MAPRE2: variants seen among roughly 807,000 people sequenced by gnomAD.
MAPRE2 encodes the protein microtubule associated protein RP/EB family member 2, also known as microtubule-associated protein RP/EB family member 2.
A neutral mutation model predicts 43.2 loss-of-function variants in MAPRE2; 13 were observed. The ratio of observed to expected loss-of-function variants is 0.30; its 90% confidence interval spans 0.20 to 0.48. MAPRE2 has a LOEUF of 0.48. Among genes scored for constraint, MAPRE2 ranks in the 20% least tolerant of loss-of-function variants. MAPRE2 has a pLI of 0.99. For synonymous variants in MAPRE2, 135 were observed against 148.8 expected (o/e 0.91, Z 0.68); for missense variants, 161 against 400.2 (o/e 0.40, Z 5.10).
At chr18:35,059,693 G>A (rs1906422168) in intron 1 of MAPRE2, among the ~76,000 whole-genome samples, 1 of 152,172 alleles carries the variant, frequency 6.6e-6, no homozygotes, top group Non-Finnish European at 1.5e-5. Context: ...CACTTCAGAA[G>A]TGGGCATGGA....
chr18:34,997,798 A>G (rs1009062430), intron 1 of MAPRE2, among the ~76,000 whole-genome samples: 1 of 152,230 alleles, frequency 6.6e-6, no homozygotes, highest in Non-Finnish European at 1.5e-5. Flanking sequence ...GCTGGGCTAC[A>G]AGAGTGAGAC....
intron 1 of MAPRE2, among the ~76,000 whole-genome samples, chr18:35,050,128 A>G (rs1461272983): frequency 6.6e-6 from 1 of 152,212 alleles, no homozygotes; most frequent in Non-Finnish European, 1.5e-5. Context: ...TGGGAAGATT[A>G]ATCACTGTGT....
At chr18:35,106,712 G>A (rs1490766300) in intron 4 of MAPRE2, among the ~76,000 whole-genome samples, 3 of 152,000 alleles carry the variant, frequency 2.0e-5, no homozygotes, top group African/African-American at 7.3e-5. Context: ...TGTGTCGTTG[G>A]GGACTTTACT....
At chr18:35,004,213 T>A (rs2097030698) in intron 1 of MAPRE2, among the ~76,000 whole-genome samples, 1 of 152,136 alleles carries the variant, frequency 6.6e-6, no homozygotes, top group Admixed American at 6.5e-5. Context: ...TTAAAAAAAA[T>A]AATAATTCTA....
chr18:35,039,761 A>G (rs2097052588), upstream of MAPRE2, among the ~76,000 whole-genome samples: 1 of 152,236 alleles, frequency 6.6e-6, no homozygotes. Context: ...GTATCACAAA[A>G]TGATAAAGCT....
chr18:34,992,330 G>A (rs2097024243), intron 1 of MAPRE2, among the ~76,000 whole-genome samples: 1 of 152,180 alleles, frequency 6.6e-6, no homozygotes, highest in African/African-American at 2.4e-5. Flanking sequence ...CAAAGTCTGT[G>A]CAATGATCTT....
At chr18:35,103,878 A>T (rs1784981344) in intron 4 of MAPRE2, among the ~76,000 whole-genome samples, 1 of 152,320 alleles carries the variant, frequency 6.6e-6, no homozygotes, top group African/African-American at 2.4e-5. Context: ...CGTTCAGTAG[A>T]ATGGTAGAGC....
intron 2 of MAPRE2, among the ~76,000 whole-genome samples, chr18:35,009,579 C>T (rs1376044278): frequency 6.6e-6 from 1 of 152,132 alleles, no homozygotes; most frequent in Non-Finnish European, 1.5e-5. Flanking sequence ...CTTCTGGAAG[C>T]TTGAAGTTTC....
intron 1 of MAPRE2, among the ~76,000 whole-genome samples, chr18:34,989,377 A>C (rs143669191): frequency 8.8e-4 from 134 of 152,062 alleles, no homozygotes; most frequent in African/African-American, 3.1e-3. Context: ...AGTTGATTCA[A>C]GCTTGGACTT....
intron 1 of MAPRE2, among the ~76,000 whole-genome samples, chr18:35,001,138 A>G (rs914837740): frequency 6.6e-6 from 1 of 152,208 alleles, no homozygotes; most frequent in Non-Finnish European, 1.5e-5. Context: ...TTTCTATGCA[A>G]ATAAATGTGG....
At chr18:35,013,264 C>A (rs1417489952) in intron 2 of MAPRE2, among the ~76,000 whole-genome samples, 1 of 152,038 alleles carries the variant, frequency 6.6e-6, no homozygotes, top group Admixed American at 6.6e-5. Context: ...AAAGCAGGAC[C>A]TGTGGGGAAG....
intron 2 of MAPRE2, among the ~76,000 whole-genome samples, chr18:35,016,201 T>A (rs891880371): frequency 6.6e-6 from 1 of 152,026 alleles, no homozygotes; most frequent in Non-Finnish European, 1.5e-5. Context: ...CAATCCACTG[T>A]GGATAGACTC....
At position 35,041,416 on chromosome 18, in the gene MAPRE2, A is replaced by T; in HGVS notation, c.-124A>T. 4 of 1,555,220 alleles carry T rather than the reference A, an allele frequency of 2.6e-6. No homozygotes were observed. The highest frequency in any genetic ancestry group is 3.5e-6 in the Non-Finnish European group (4 of 1,152,232). ...GCGGGGCGCGAGCGAGAGCTGGGAG[A>T]AGGCAGTGAGCGAGCAGGCGGCAGG... On this transcript the variant is annotated 5_prime_UTR_variant, in exon 1 of 7. Coordinates refer to ENST00000300249, the MANE Select transcript of MAPRE2 (RefSeq NM_014268.4).
intron 2 of MAPRE2, among the ~76,000 whole-genome samples, chr18:35,026,029 A>T (rs530409385): frequency 6.6e-6 from 1 of 152,172 alleles, no homozygotes; most frequent in Non-Finnish European, 1.5e-5. Context: ...ACCCCTGAAG[A>T]CTTCTAAAAA....
intron 2 of MAPRE2, among the ~76,000 whole-genome samples, chr18:35,090,769 A>G (rs1378708402): frequency 2.0e-5 from 3 of 151,840 alleles, no homozygotes; most frequent in African/African-American, 7.2e-5. Context: ...GAAAAAAAAT[A>G]GGAGGAAGTC....
intron 3 of MAPRE2, among the ~76,000 whole-genome samples, chr18:35,099,769 T>C (rs754903910): frequency 1.3e-5 from 2 of 152,230 alleles, no homozygotes; most frequent in Non-Finnish European, 2.9e-5. Flanking sequence ...ATGAAAAATA[T>C]GGTATCTTCC....
At chr18:35,064,370 G>T (rs1378008836) in intron 1 of MAPRE2, among the ~76,000 whole-genome samples, 1 of 131,312 alleles carries the variant, frequency 7.6e-6, no homozygotes, top group Non-Finnish European at 1.5e-5. Flanking sequence ...TGAGTGATCG[G>T]TGAAGTGTGA....
At chr18:35,014,191 G>T (rs533841286) in intron 2 of MAPRE2, among the ~76,000 whole-genome samples, 1 of 152,080 alleles carries the variant, frequency 6.6e-6, no homozygotes, top group Non-Finnish European at 1.5e-5. Context: ...AAAGTCAGAT[G>T]CAAGGCCATC....
At chr18:34,984,047 A>T (rs1416728619) in intron 1 of MAPRE2, among the ~76,000 whole-genome samples, 1 of 152,214 alleles carries the variant, frequency 6.6e-6, no homozygotes, top group Non-Finnish European at 1.5e-5. Context: ...GCTAAAGCTG[A>T]CATTATGCTG....
Sources: allele counts gnomAD v4.1 joint callset (sites outside exome capture counted in the v4.1 genomes callset), GRCh38; gene constraint gnomAD v4.1.1; transcripts MANE v1.5; gene names NCBI Gene and HGNC (gene_info 2026-07-23, HGNC 2026-07-21).